Variants in KIAA1217 observed in about 807,000 individuals in gnomAD.
KIAA1217 encodes KIAA1217, also known as sickle tail protein homolog.
A neutral mutation model predicts 163.9 loss-of-function variants in KIAA1217; 88 were observed. That is an observed-to-expected ratio of 0.54 (90% CI 0.45 to 0.64). KIAA1217 has a LOEUF of 0.64. KIAA1217 is among the 30% of genes least tolerant of loss of function. The probability of loss-of-function intolerance (pLI) is 0.00; values close to 1 mark genes in which losing one functional copy is unlikely to be tolerated. For missense variants in KIAA1217, 2,372 were observed against 2,475.0 expected (o/e 0.96, Z 0.88); for synonymous variants, 903 against 923.1 (o/e 0.98, Z 0.39).
chr10:24,030,659 C>G (rs1401799421), intron 2 of KIAA1217, among the ~76,000 whole-genome samples: 1 of 152,146 alleles, frequency 6.6e-6, no homozygotes, highest in African/African-American at 2.4e-5. Context: ...ACTCATTAAA[C>G]ACGAACTCCT....
In KIAA1217 at chr10:23,867,591, G is replaced by C. The variant is rs571858058; in HGVS notation, c.-320-139634G>C. On this transcript the variant is annotated intron_variant, in intron 1 of 18. Coordinates refer to the KIAA1217 transcript ENST00000376462. ...CATTGTGGTTTTGATTTGCATTTCT[G>C]TGATGGCCAGTGATGATGAGCATTT... 5.2e-3 allele frequency among the ~76,000 whole-genome samples: 796 copies of C among 152,228 alleles called. 9 individuals carry two copies. Among genetic ancestry groups the C allele is most frequent in the African/African-American group, 0.018 (766 of 41,536 alleles).
chr10:23,985,119 G>A (rs959828798), intron 1 of KIAA1217, among the ~76,000 whole-genome samples: 101 of 152,024 alleles, frequency 6.6e-4, no homozygotes, highest in African/African-American at 2.3e-3. Context: ...CCTTCTCTTA[G>A]AGCCACTTTA....
intron 2 of KIAA1217, among the ~76,000 whole-genome samples, chr10:24,101,498 A>G (rs2062414452): frequency 6.6e-6 from 1 of 152,136 alleles, no homozygotes; most frequent in Admixed American, 6.5e-5. Flanking sequence ...TAAATCAAGG[A>G]TTTGAAAATG....
chr10:23,970,124 G>A (rs1845251678), intron 1 of KIAA1217, among the ~76,000 whole-genome samples: 2 of 152,108 alleles, frequency 1.3e-5, no homozygotes, highest in Admixed American at 6.6e-5. Context: ...GGTTTGGGTG[G>A]GGACACAGCC....
At chr10:24,514,194 A>C (rs2069666357) in intron 10 of KIAA1217, among the ~76,000 whole-genome samples, 1 of 152,210 alleles carries the variant, frequency 6.6e-6, no homozygotes, top group South Asian at 2.1e-4. Context: ...TTTATCATAG[A>C]ACTATCTCAC....
chr10:24,248,396 C>T (rs563948764), intron 2 of KIAA1217, among the ~76,000 whole-genome samples: 158 of 152,240 alleles, frequency 1.0e-3, no homozygotes, highest in Non-Finnish European at 1.7e-3. Context: ...TTAGGCCGGG[C>T]GCAGTGGCTC....
intron 2 of KIAA1217, among the ~76,000 whole-genome samples, chr10:24,326,215 G>A (rs772508843): frequency 1.2e-4 from 18 of 152,110 alleles, no homozygotes; most frequent in Non-Finnish European, 2.5e-4. Flanking sequence ...TGTTAGATAA[G>A]TTGTAAAAGT....
intron 2 of KIAA1217, among the ~76,000 whole-genome samples, chr10:24,298,218 A>T (rs1368424597): frequency 6.6e-6 from 1 of 152,144 alleles, no homozygotes; most frequent in Non-Finnish European, 1.5e-5. Flanking sequence ...CACTGATTCT[A>T]CTTAGAGGTA....
chr10:23,869,138 T>TTTTG (rs1316487814), intron 1 of KIAA1217, among the ~76,000 whole-genome samples: 2 of 143,514 alleles, frequency 1.4e-5, no homozygotes, highest in African/African-American at 5.2e-5. Flanking sequence ...TTTTTTTTTT[T>TTTTG]TTTTTTTTTT....
Position 24,381,095 on chromosome 10 carries a change from C to T in KIAA1217, c.553+28C>T, listed in dbSNP as rs547239198. On this transcript the variant is annotated intron_variant, in intron 3 of 20. Coordinates refer to ENST00000376454, the MANE Select transcript of KIAA1217 (RefSeq NM_019590.5). ...AAGCTTTAGAAGGCAGTTTCTGATG[C>T]CCCTTTCTTACTGAATGCGTTTGTT... is the stretch of plus-strand genomic sequence containing the variant. 2.7e-6 allele frequency: 4 copies of T among 1,482,164 alleles called. No homozygotes were observed. In the African/African-American group the frequency reaches 4.2e-5, roughly 16 times the overall value. The allele number at this position is 1,482,164 out of a possible 1,614,324, so 91.8% of individuals were successfully genotyped here.
intron 1 of KIAA1217, among the ~76,000 whole-genome samples, chr10:23,720,038 G>T (rs1837786627): frequency 6.6e-6 from 1 of 151,898 alleles, no homozygotes; most frequent in Admixed American, 6.6e-5. Flanking sequence ...GAGGGTGGTG[G>T]AATAATTGCT....
intron 5 of KIAA1217, among the ~76,000 whole-genome samples, chr10:24,446,225 GTTGT>G (rs1273799630): frequency 2.6e-5 from 4 of 152,056 alleles, no homozygotes; most frequent in African/African-American, 7.2e-5. Context: ...TGTTGATGGG[GTTGT>G]TTGTTTTTTT....
intron 1 of KIAA1217, among the ~76,000 whole-genome samples, chr10:24,211,587 ATTG>A (rs2068128418): frequency 6.9e-6 from 1 of 144,730 alleles, no homozygotes; most frequent in African/African-American, 2.6e-5. Context: ...ATTGTATTGT[ATTG>A]TATTTTATTT....
chr10:24,236,252 TTTTC>T (rs1288733389), intron 2 of KIAA1217, among the ~76,000 whole-genome samples: 3 of 152,184 alleles, frequency 2.0e-5, no homozygotes, highest in Non-Finnish European at 2.9e-5. Context: ...TTTCCATTCT[TTTTC>T]TTTTTCTTTT....
chr10:24,104,292 A>C (rs576404449), intron 2 of KIAA1217, among the ~76,000 whole-genome samples: 8 of 152,336 alleles, frequency 5.3e-5, no homozygotes, highest in African/African-American at 1.7e-4. Flanking sequence ...GAATGGATAA[A>C]TAAACCATGG....
At chr10:23,897,726 C>A (rs1841767666) in intron 1 of KIAA1217, among the ~76,000 whole-genome samples, 1 of 151,884 alleles carries the variant, frequency 6.6e-6, no homozygotes, top group Non-Finnish European at 1.5e-5. Context: ...TCAGTGGAAC[C>A]ATTTATTTTT....
chr10:23,742,160 T>C (rs972073954), intron 1 of KIAA1217, among the ~76,000 whole-genome samples: 3 of 152,104 alleles, frequency 2.0e-5, no homozygotes, highest in Admixed American at 6.5e-5. Context: ...GTGGAGTCGC[T>C]CTGGGGTTTG....
At chr10:23,858,958 C>T (rs369520252) in intron 1 of KIAA1217, among the ~76,000 whole-genome samples, 1 of 152,170 alleles carries the variant, frequency 6.6e-6, no homozygotes, top group South Asian at 2.1e-4. Context: ...CTTAATTTCT[C>T]CAAGGGGTTT....
intron 2 of KIAA1217, among the ~76,000 whole-genome samples, chr10:24,288,901 AT>A (rs1433572775): frequency 6.6e-6 from 1 of 152,162 alleles, no homozygotes; most frequent in Non-Finnish European, 1.5e-5. Context: ...GACATATCAA[AT>A]TTGCACTTTA....
Sources: gnomAD v4.1 joint callset for allele counts (sites outside exome capture counted in the v4.1 genomes callset) on GRCh38, gnomAD v4.1.1 for gene constraint, MANE v1.5 for transcripts, NCBI Gene and HGNC (gene_info 2026-07-23, HGNC 2026-07-21) for gene names.